The following SGO2 variants were observed in gnomAD, a reference collection of about 807,000 sequenced individuals.
The protein encoded by SGO2 is shugoshin 2.
A neutral mutation model predicts 99.5 loss-of-function variants in SGO2; 68 were observed. The ratio of observed to expected loss-of-function variants is 0.68; its 90% CI spans 0.56 to 0.84. SGO2 has a LOEUF of 0.84. SGO2 is among the 40% of genes least tolerant of loss of function. The probability of loss-of-function intolerance (pLI) is 0.00; values close to 1 mark genes in which losing one functional copy is unlikely to be tolerated. For missense variants in SGO2, 1,350 were observed against 1,436.7 expected (o/e 0.94, Z 0.97); for synonymous variants, 457 against 487.1 (o/e 0.94, Z 0.81).
intron 5 of SGO2, among the ~76,000 whole-genome samples, chr2:200,558,975 G>T (rs1048798970): frequency 6.6e-6 from 1 of 151,934 alleles, no homozygotes; most frequent in African/African-American, 2.4e-5. Context: ...GCTAAATTTT[G>T]TATATTTTAT....
intron 4 of SGO2, among the ~76,000 whole-genome samples, chr2:200,539,569 T>G (rs2031860172): frequency 6.6e-6 from 1 of 152,120 alleles, no homozygotes; most frequent in Admixed American, 6.5e-5. Flanking sequence ...TAACTTTGAG[T>G]CAATGCTTTT....
chr2:200,539,892 AT>A (rs1187220614), intron 4 of SGO2, among the ~76,000 whole-genome samples: 2 of 149,574 alleles, frequency 1.3e-5, no homozygotes, highest in African/African-American at 4.9e-5. Flanking sequence ...ACCCTCTGTT[AT>A]TTTTTTCAGT....
rs147737835 is a variant in SGO2, at chr2:200,572,147, C to T, written c.1801C>T (p.Pro601Ser). Residue 601 changes from proline to serine, a missense_variant, in exon 7 of 9, where the codon CCC (proline) becomes TCC (serine). Transcript: ENST00000357799. ...GAAAAAGTATGTCACTGATATTCAA[C>T]CCTCAGAGCAAAATGAATCAAACAT... is the stretch of plus-strand genomic sequence containing the variant. ...DLKKYVTDIQPSEQNESNINK... is the reference protein window; with the variant it reads ...DLKKYVTDIQSSEQNESNINK... 2.6e-4 allele frequency: 417 copies of T among 1,612,270 alleles called. 1 individual carries two copies. The African/African-American group carries it at 5.1e-3, about 20-fold the overall frequency.
chr2:200,583,329 C>A, intron 8 of SGO2, 120 bp from the exon 9 acceptor site: 3 of 724,914 alleles, frequency 4.1e-6, no homozygotes, highest in Non-Finnish European at 4.4e-6. Flanking sequence ...TTTAACAAAG[C>A]TTATGGTTTA....
At chr2:200,561,205 C>G (rs2032944460) in intron 5 of SGO2, among the ~76,000 whole-genome samples, 1 of 152,142 alleles carries the variant, frequency 6.6e-6, no homozygotes, top group Non-Finnish European at 1.5e-5. Context: ...TGCCCCCACC[C>G]AACGACAGGC....
At position 200,573,089 on chromosome 2, in the gene SGO2, G is replaced by T; in HGVS notation, c.2743G>T (p.Glu915Ter). ...CAGGAATAAAGTGAATTGGAAGACA[G>T]AAATAATTTCTGAAATGAACCAGAT... is the stretch of plus-strand genomic sequence containing the variant. ...KLRNKVNWKT[E>*]IISEMNQIYE... is the part of the protein sequence containing the mutation. Residue 915 changes from glutamate (E) to a stop codon, truncating the protein, a stop_gained, in exon 7 of 9, where the codon GAA (glutamate) becomes TAA (stop). Coordinates refer to ENST00000357799, the MANE Select transcript of SGO2 (RefSeq NM_152524.6). LOFTEE classifies it high-confidence loss of function. 2 of 1,579,806 alleles carry T rather than the reference G, an allele frequency of 1.3e-6. No homozygotes were observed. Among genetic ancestry groups the T allele is most frequent in the Non-Finnish European group, 1.7e-6 (2 of 1,170,682 alleles).
intron 4 of SGO2, among the ~76,000 whole-genome samples, chr2:200,539,664 C>T (rs1388472725): frequency 6.6e-6 from 1 of 151,810 alleles, no homozygotes; most frequent in Non-Finnish European, 1.5e-5. Flanking sequence ...AGAATTTTGA[C>T]TTTGATGTGT....
chr2:200,560,077 A>G (rs2032882300), intron 5 of SGO2, among the ~76,000 whole-genome samples: 1 of 152,188 alleles, frequency 6.6e-6, no homozygotes, highest in African/African-American at 2.4e-5. Context: ...AGTCTTCCAT[A>G]TCCTTCCTGC....
At chr2:200,548,942 A>G (rs1479052448) in intron 5 of SGO2, among the ~76,000 whole-genome samples, 1 of 152,202 alleles carries the variant, frequency 6.6e-6, no homozygotes. Flanking sequence ...GATTGAAGCT[A>G]TAATAAAAAC....
intron 5 of SGO2, among the ~76,000 whole-genome samples, chr2:200,565,682 G>C (rs925220877): frequency 6.6e-6 from 1 of 152,068 alleles, no homozygotes; most frequent in East Asian, 1.9e-4. Flanking sequence ...CATTCTCCCC[G>C]TCACTTTCAG....
In SGO2 at chr2:200,573,516, C is replaced by A; in HGVS notation, c.3170C>A (p.Pro1057His). The part of the protein sequence containing the change: ...STTTLNKKDL[P>H]FVEEIKEGEC... ...ACCACTTTGAATAAAAAAGATCTCC[C>A]TTTTGTGGAAGAAATAAAAGAAGGA... The change falls in exon 7 of 9, where the codon CCT becomes CAT. Residue 1057 changes from proline to histidine, a missense_variant. By Grantham distance (77) the Pro-to-His change is moderately conservative (BLOSUM62 -2). Coordinates refer to ENST00000357799, the MANE Select transcript of SGO2 (RefSeq NM_152524.6). The A allele has an allele frequency of 6.2e-7, 1 of 1,612,112 alleles. No homozygotes were observed. The highest frequency in any genetic ancestry group is 1.1e-5 in the South Asian group (1 of 90,584).
chr2:200,533,473 G>C, intron 2 of SGO2: 1 of 190,638 alleles, frequency 5.2e-6, no homozygotes, highest in Admixed American at 5.5e-5. Context: ...GAGGAGGTGG[G>C]CTCACACTGG....
intron 5 of SGO2, among the ~76,000 whole-genome samples, chr2:200,552,954 C>T (rs1027227891): frequency 3.9e-5 from 6 of 152,114 alleles, no homozygotes; most frequent in Non-Finnish European, 7.3e-5. Context: ...CGCACCCCCC[C>T]GCCCCCTTTT....
chr2:200,535,754 A>G (rs1300325585), intron 3 of SGO2, among the ~76,000 whole-genome samples: 1 of 152,058 alleles, frequency 6.6e-6, no homozygotes, highest in African/African-American at 2.4e-5. Flanking sequence ...TTCTCTTGCC[A>G]TGTGATATAT....
At position 200,566,717 on chromosome 2, in the gene SGO2, C is replaced by T. The variant is rs150950786; in HGVS notation, c.474-2946C>T. Among the ~76,000 whole-genome samples the T allele has an allele frequency of 8.2e-3, 1,247 of 152,318 alleles. 14 individuals are homozygous for T. The highest frequency in any genetic ancestry group is 0.028 in the African/African-American group (1,144 of 41,574). Reference sequence around the variant, plus strand: ...CCTCCTTGAGCCGCAGGGTGCTCCACCGGCTTCAAGCTTCCTAGCCGCTTT... The same window carrying T: ...CCTCCTTGAGCCGCAGGGTGCTCCATCGGCTTCAAGCTTCCTAGCCGCTTT... On this transcript the variant is annotated intron_variant, in intron 5 of 8. Coordinates refer to ENST00000357799, the MANE Select transcript of SGO2 (RefSeq NM_152524.6).
intron 8 of SGO2, among the ~76,000 whole-genome samples, chr2:200,582,762 A>C (rs1315555357): frequency 6.6e-6 from 1 of 152,168 alleles, no homozygotes; most frequent in East Asian, 1.9e-4. Context: ...CATTACATAC[A>C]CAGGGGAACA....
Position 200,570,767 on chromosome 2 carries a change from T to C in SGO2, c.704-283T>C, listed in dbSNP as rs1393205956. Among the ~76,000 whole-genome samples, 1 of 151,952 alleles carries C rather than the reference T, an allele frequency of 6.6e-6. No individual in the cohort carries two copies. The highest frequency in any genetic ancestry group is 1.5e-5 in the Non-Finnish European group (1 of 67,920). ...CTCCTTTCACTCTAGAAATGTATGC[T>C]AATGGTTCTACTGTTGGCTGTACTC... On this transcript the variant is annotated intron_variant, in intron 6 of 8. Transcript: ENST00000357799. The surrounding 1 kb of genome is among the most constrained non-coding windows in gnomAD (Gnocchi z 4.4).
intron 1 of SGO2, chr2:200,532,227 G>A (rs570091422): frequency 1.9e-5 from 4 of 210,756 alleles, no homozygotes; most frequent in Non-Finnish European, 3.3e-5. Context: ...GTGGTGGGGA[G>A]GCTGAGTATT....
At chr2:200,554,313 A>C (rs932015969) in intron 5 of SGO2, among the ~76,000 whole-genome samples, 7 of 152,198 alleles carry the variant, frequency 4.6e-5, no homozygotes, top group Non-Finnish European at 1.0e-4. Context: ...TCAGACTTAC[A>C]TTGGTTCAGT....
Sources: allele counts gnomAD v4.1 joint callset (sites outside exome capture counted in the v4.1 genomes callset), GRCh38; gene constraint gnomAD v4.1.1; non-coding constraint Gnocchi (gnomAD v3.1); transcripts MANE v1.5; gene names NCBI Gene and HGNC (gene_info 2026-07-23, HGNC 2026-07-21).